TBC1D22A: variants seen among roughly 807,000 people sequenced by gnomAD.
TBC1D22A encodes TBC1 domain family member 22A.
Under a neutral mutation model 60.2 loss-of-function variants are expected in TBC1D22A, and 38 were observed. The observed-to-expected ratio is 0.63, with a 90% CI of 0.49 to 0.83. The LOEUF (loss-of-function observed/expected upper bound fraction) is 0.83. Ranked by LOEUF, TBC1D22A falls within the 40% of genes least tolerant of loss-of-function variation. The pLI is 0.00. For synonymous variants in TBC1D22A, 302 were observed against 281.7 expected (o/e 1.07, Z -0.72); for missense variants, 628 against 701.0 (o/e 0.90, Z 1.18).
At chr22:47,112,127 G>A (rs2065871246) in intron 12 of TBC1D22A, among the ~76,000 whole-genome samples, 1 of 152,244 alleles carries the variant, frequency 6.6e-6, no homozygotes. Flanking sequence ...GGCACGCCCT[G>A]CTAGGCTCCG....
At chr22:46,867,108 G>A (rs565139227) in intron 4 of TBC1D22A, among the ~76,000 whole-genome samples, 35 of 152,304 alleles carry the variant, frequency 2.3e-4, no homozygotes, top group African/African-American at 7.2e-4. Context: ...CCCCCCAGAT[G>A]TGACTTTATT....
intron 10 of TBC1D22A, among the ~76,000 whole-genome samples, chr22:47,033,855 G>A (rs904839335): frequency 1.3e-5 from 2 of 152,132 alleles, no homozygotes; most frequent in Non-Finnish European, 2.9e-5. Context: ...GGTGAAGGCC[G>A]AGGAGGGAGT....
At chr22:46,952,834 C>T (rs955450556) in intron 8 of TBC1D22A, among the ~76,000 whole-genome samples, 1 of 152,224 alleles carries the variant, frequency 6.6e-6, no homozygotes, top group African/African-American at 2.4e-5. Context: ...GTCACCCTCT[C>T]CTGTCCTCCA....
rs530110598 is a variant in TBC1D22A at position 46,857,367 on chromosome 22, A to G, written c.638-21286A>G. 1.2e-4 allele frequency among the ~76,000 whole-genome samples: 18 copies of G among 152,318 alleles called. No homozygotes were observed. In the South Asian group the frequency reaches 3.7e-3, roughly 32 times the overall value. On this transcript the variant is annotated intron_variant, in intron 4 of 12. Transcript: ENST00000337137. ...GCCCTGACCCAAAAGCTGCACGTCA[A>G]AGCCCATCATCGCTGTAGTCCCGCA... is the stretch of plus-strand genomic sequence containing the variant.
intron 4 of TBC1D22A, among the ~76,000 whole-genome samples, chr22:46,806,880 T>C (rs1601944035): frequency 6.6e-6 from 1 of 152,178 alleles, no homozygotes; most frequent in African/African-American, 2.4e-5. Flanking sequence ...GCTACAATTA[T>C]GGAATTGGGT....
At position 47,111,718 on chromosome 22, in the gene TBC1D22A, A is replaced by G. The variant is rs1334372001; in HGVS notation, c.1425+115A>G. 7.6e-6 allele frequency: 7 copies of G among 915,260 alleles called. No individual in the cohort carries two copies. In the African/African-American group the frequency reaches 8.4e-5, roughly 11 times the overall value. 56.7% of individuals were successfully genotyped at this position (915,260 alleles called of 1,614,324 possible). A position where few individuals can be genotyped will look rare whatever the true frequency, so the allele number is the denominator to read the frequency against. On this transcript the variant is annotated intron_variant, in intron 12 of 12. Transcript: ENST00000337137. The stretch of plus-strand genomic sequence containing the variant: ...AAGAGTTTTGAGAAGCGCTGCCTGC[A>G]TTTCGCCGCTGACCTCCTGCTGGTT...
chr22:47,144,322 G>A (rs1020927853), intron 12 of TBC1D22A, among the ~76,000 whole-genome samples: 6 of 152,136 alleles, frequency 3.9e-5, no homozygotes, highest in African/African-American at 1.2e-4. Context: ...CCCAGAGGAC[G>A]GCGTCCAACC....
At chr22:47,015,620 C>T (rs1002979112) in intron 10 of TBC1D22A, among the ~76,000 whole-genome samples, 3 of 152,338 alleles carry the variant, frequency 2.0e-5, no homozygotes, top group South Asian at 2.1e-4. Context: ...TGGTTGAACA[C>T]GTTTTACTGT....
At chr22:47,114,842 C>A (rs1345453900) in intron 12 of TBC1D22A, among the ~76,000 whole-genome samples, 1 of 152,080 alleles carries the variant, frequency 6.6e-6, no homozygotes, top group African/African-American at 2.4e-5. Context: ...AGTTCAGGGG[C>A]CAGGGAGGGG....
At chr22:46,865,566 C>T (rs2067010874) in intron 4 of TBC1D22A, among the ~76,000 whole-genome samples, 1 of 152,208 alleles carries the variant, frequency 6.6e-6, no homozygotes, top group Non-Finnish European at 1.5e-5. Flanking sequence ...CTCCTAGGTG[C>T]ACAACACACA....
chr22:47,081,120 CAAAAAAA>C (rs34794967), intron 11 of TBC1D22A, among the ~76,000 whole-genome samples: 2 of 83,782 alleles, frequency 2.4e-5, no homozygotes, highest in Non-Finnish European at 4.6e-5. Context: ...AACTCCGTCT[CAAAAAAA>C]AAAAAAAAAA....
chr22:46,843,580 G>A (rs2086867470), intron 4 of TBC1D22A, among the ~76,000 whole-genome samples: 1 of 152,038 alleles, frequency 6.6e-6, no homozygotes, highest in Non-Finnish European at 1.5e-5. Flanking sequence ...AGCAAGTTGG[G>A]GCTGGGAGTG....
In TBC1D22A at chr22:46,997,669, G is replaced by T; in HGVS notation, c.1161G>T (p.Met387Ile). The T allele has an allele frequency of 9.9e-6, 16 of 1,614,010 alleles. No individual in the cohort carries two copies. The highest frequency in any genetic ancestry group is 1.4e-5 in the Non-Finnish European group (16 of 1,179,996). The change falls in exon 10 of 13, where the codon ATG (methionine) becomes ATT (isoleucine). Residue 387 changes from methionine (M) to isoleucine (I), a missense_variant. Met to Ile is a conservative substitution (Grantham distance 10). Transcript: ENST00000337137. ...NYTFAQPGIQ[M>I]KVKMLEELVS... ...CCTTTGCCCAACCTGGGATTCAAAT[G>T]AAAGTGAAAATGTTAGAAGAACTCG...
At chr22:47,037,014 C>T in intron 10 of TBC1D22A, 57 bp from the exon 11 acceptor site, 1 of 1,604,162 alleles carries the variant, frequency 6.2e-7, no homozygotes, top group Non-Finnish European at 8.5e-7. Context: ...GACCTGGCTG[C>T]CAGTGCCTCC....
chr22:46,885,572 A>G (rs370633088), intron 5 of TBC1D22A, among the ~76,000 whole-genome samples: 61 of 152,120 alleles, frequency 4.0e-4, no homozygotes, highest in Non-Finnish European at 7.5e-4. Context: ...GGCTTGAAAT[A>G]ACAACAAGGT....
At chr22:46,781,649 G>T (rs189584274) in intron 1 of TBC1D22A, among the ~76,000 whole-genome samples, 61 of 152,292 alleles carry the variant, frequency 4.0e-4, no homozygotes, top group African/African-American at 1.4e-3. Context: ...GGTCTTTTTG[G>T]TTGGGGGTCT....
chr22:47,049,335 CGG>C (rs2063133075), intron 11 of TBC1D22A, among the ~76,000 whole-genome samples: 1 of 152,206 alleles, frequency 6.6e-6, no homozygotes, highest in East Asian at 1.9e-4. Flanking sequence ...AAAGAAGAAG[CGG>C]GCATGGGCGC....
intron 4 of TBC1D22A, among the ~76,000 whole-genome samples, chr22:46,813,562 T>G (rs980039072): frequency 6.6e-6 from 1 of 152,212 alleles, no homozygotes; most frequent in African/African-American, 2.4e-5. Flanking sequence ...TGTAGTGAGC[T>G]CCTACCAGGC....
chr22:47,150,971 T>G (rs905636083), intron 12 of TBC1D22A, among the ~76,000 whole-genome samples: 2 of 152,170 alleles, frequency 1.3e-5, no homozygotes, highest in Admixed American at 1.3e-4. Context: ...TGCTTCTGCC[T>G]CAGGCACCTG....
Sources: gnomAD v4.1 joint callset for allele counts (sites outside exome capture counted in the v4.1 genomes callset) on GRCh38, gnomAD v4.1.1 for gene constraint, MANE v1.5 for transcripts, NCBI Gene and HGNC (gene_info 2026-07-23, HGNC 2026-07-21) for gene names.